Variants in PTPRZ1 observed in about 807,000 individuals in gnomAD.
PTPRZ1 encodes the protein receptor-type tyrosine-protein phosphatase zeta.
A neutral mutation model predicts 214.1 loss-of-function variants in PTPRZ1; 82 were observed. That is an observed-to-expected ratio of 0.38 (90% CI 0.32 to 0.46). PTPRZ1 has a LOEUF of 0.46. Among genes scored for constraint, PTPRZ1 ranks in the 20% least tolerant of loss-of-function variants. The pLI is 1.00. For synonymous variants in PTPRZ1, 945 were observed against 987.9 expected (o/e 0.96, Z 0.81); for missense variants, 2,603 against 2,748.7 (o/e 0.95, Z 1.19).
chr7:122,051,090 T>A (rs1453474435), intron 23 of PTPRZ1, among the ~76,000 whole-genome samples: 1 of 152,104 alleles, frequency 6.6e-6, no homozygotes, highest in Non-Finnish European at 1.5e-5. Flanking sequence ...ACACACACGA[T>A]GTAATTTACC....
In PTPRZ1 at chr7:122,042,689, A is replaced by G; in HGVS notation, c.5883A>G (p.Ile1961Met). ...QQIQHEGTVN[I>M]FGFLKHIRSQ... ...TTCAACACGAAGGAACTGTCAACAT[A>G]TTTGGCTTCTTAAAACACATCCGTT... Residue 1961 changes from isoleucine (I) to methionine (M), a missense_variant, in exon 22 of 30, where the codon ATA becomes ATG. By Grantham distance (10) the Ile-to-Met change is conservative (BLOSUM62 1). Around this residue, in one of 6 missense-constraint regions of PTPRZ1, gnomAD observed 1,913 missense variants for 1,914.3 expected, o/e 1.00. Coordinates refer to ENST00000393386, the MANE Select transcript of PTPRZ1 (RefSeq NM_002851.3). 3.1e-6 allele frequency: 5 copies of G among 1,613,776 alleles called. No homozygotes were observed. The highest frequency in any genetic ancestry group is 4.2e-6 in the Non-Finnish European group (5 of 1,179,678).
chr7:121,960,307 C>G (rs977449694), intron 2 of PTPRZ1, among the ~76,000 whole-genome samples: 2 of 152,204 alleles, frequency 1.3e-5, no homozygotes, highest in African/African-American at 4.8e-5. Context: ...TCCCAAAGTG[C>G]TGGGATTACA....
At position 122,013,747 on chromosome 7, in the gene PTPRZ1, T is replaced by C. The variant is rs201818211; in HGVS notation, c.4701T>C (p.Asp1567=). ...DSLNENETST[D]FSFADTNEKD... is the part of the protein sequence containing the mutation. Reference sequence around the variant, plus strand: ...TTAATGAGAATGAGACTTCCACAGATTTCAGTTTTGCAGACACTAATGAAA... The same window carrying C: ...TTAATGAGAATGAGACTTCCACAGACTTCAGTTTTGCAGACACTAATGAAA... The change falls in exon 12 of 30, where the codon GAT becomes GAC. Residue 1567 remains aspartate, a synonymous_variant. Coordinates refer to ENST00000393386, the MANE Select transcript of PTPRZ1 (RefSeq NM_002851.3). The C allele has an allele frequency of 3.2e-5, 52 of 1,614,032 alleles. 1 individual carries two copies. The highest frequency in any genetic ancestry group is 2.4e-4 in the South Asian group (22 of 91,086).
intron 1 of PTPRZ1, among the ~76,000 whole-genome samples, chr7:121,927,020 A>T (rs1009985612): frequency 2.6e-5 from 4 of 152,218 alleles, no homozygotes; most frequent in Non-Finnish European, 2.9e-5. Flanking sequence ...ATAGTAACTT[A>T]TTACCATGTT....
chr7:121,906,780 G>A (rs958998258), intron 1 of PTPRZ1, among the ~76,000 whole-genome samples: 4 of 152,146 alleles, frequency 2.6e-5, no homozygotes, highest in Non-Finnish European at 4.4e-5. Flanking sequence ...CTTATTCTTC[G>A]TTTCCTAGTA....
intron 12 of PTPRZ1, among the ~76,000 whole-genome samples, chr7:122,017,615 G>A (rs1025030733): frequency 6.6e-6 from 1 of 151,464 alleles, no homozygotes; most frequent in Non-Finnish European, 1.5e-5. Context: ...AGGCTGTAGT[G>A]CAGTGGCGTG....
intron 6 of PTPRZ1, among the ~76,000 whole-genome samples, chr7:121,982,152 C>T (rs906755242): frequency 6.6e-5 from 10 of 152,062 alleles, no homozygotes; most frequent in African/African-American, 2.4e-4. Context: ...TTGAAAAGAC[C>T]ATCCATTCCA....
At chr7:121,973,374 T>C (rs915201219) in intron 4 of PTPRZ1, among the ~76,000 whole-genome samples, 1 of 151,802 alleles carries the variant, frequency 6.6e-6, no homozygotes, top group African/African-American at 2.4e-5. Context: ...AAAAGAAACA[T>C]GTTAAGTGGT....
chr7:121,987,676 T>A (rs1434580790), intron 8 of PTPRZ1, among the ~76,000 whole-genome samples: 2 of 152,226 alleles, frequency 1.3e-5, no homozygotes, highest in Non-Finnish European at 2.9e-5. Flanking sequence ...GAGTAGTTTT[T>A]CATATGTTTC....
intron 1 of PTPRZ1, among the ~76,000 whole-genome samples, chr7:121,923,448 G>A (rs918908433): frequency 3.3e-5 from 5 of 151,982 alleles, no homozygotes; most frequent in African/African-American, 1.2e-4. Context: ...TTTTTCTTAG[G>A]AGCACTGTAT....
intron 8 of PTPRZ1, among the ~76,000 whole-genome samples, chr7:121,987,652 T>C (rs1179610793): frequency 6.6e-6 from 1 of 152,230 alleles, no homozygotes; most frequent in African/African-American, 2.4e-5. Flanking sequence ...ATTTCTCCGA[T>C]GATTAGTGAT....
intron 2 of PTPRZ1, among the ~76,000 whole-genome samples, chr7:121,939,720 G>A (rs2116416268): frequency 6.6e-6 from 1 of 152,304 alleles, no homozygotes; most frequent in Non-Finnish European, 1.5e-5. Context: ...TCATTGGATT[G>A]TACAGCGTAA....
At chr7:121,899,301 C>A (rs1584616418) in intron 1 of PTPRZ1, among the ~76,000 whole-genome samples, 1 of 152,248 alleles carries the variant, frequency 6.6e-6, no homozygotes, top group East Asian at 1.9e-4. Flanking sequence ...AACGTTTCTA[C>A]CTTCTAATAC....
intron 2 of PTPRZ1, among the ~76,000 whole-genome samples, chr7:121,955,924 C>T (rs1343700694): frequency 6.6e-6 from 1 of 152,140 alleles, no homozygotes; most frequent in Non-Finnish European, 1.5e-5. Flanking sequence ...TGGGTTTCAG[C>T]ACTATCACTC....
intron 1 of PTPRZ1, among the ~76,000 whole-genome samples, chr7:121,921,682 A>G (rs1340202050): frequency 2.0e-5 from 3 of 152,150 alleles, no homozygotes; most frequent in African/African-American, 7.2e-5. Flanking sequence ...TGAGACATTC[A>G]AAAGTACTTT....
chr7:122,036,477 G>A, intron 17 of PTPRZ1, 123 bp from the exon 18 acceptor site: 2 of 684,884 alleles, frequency 2.9e-6, no homozygotes, highest in Non-Finnish European at 4.9e-6. Context: ...AAAAGCCTAT[G>A]AAAGTAAATG....
At chr7:122,026,972 T>C (rs1799222552) in intron 13 of PTPRZ1, among the ~76,000 whole-genome samples, 1 of 152,218 alleles carries the variant, frequency 6.6e-6, no homozygotes, top group Non-Finnish European at 1.5e-5. Flanking sequence ...CAAAGTAGTT[T>C]GCCTTGTGGG....
intron 2 of PTPRZ1, among the ~76,000 whole-genome samples, chr7:121,942,871 A>T (rs951553636): frequency 6.6e-6 from 1 of 152,232 alleles, no homozygotes; most frequent in Admixed American, 6.5e-5. Context: ...TTAAGCAATT[A>T]AACAGCTAGC....
chr7:121,992,609 T>A (rs1798003823), intron 8 of PTPRZ1, among the ~76,000 whole-genome samples: 1 of 152,172 alleles, frequency 6.6e-6, no homozygotes. Flanking sequence ...TTTCATAAGT[T>A]TTTTATACAT....
Sources: gnomAD v4.1 joint callset for allele counts (sites outside exome capture counted in the v4.1 genomes callset) on GRCh38, gnomAD v4.1.1 for gene constraint, gnomAD v4.1.1 regional missense constraint, MANE v1.5 for transcripts, NCBI Gene and HGNC (gene_info 2026-07-23, HGNC 2026-07-21) for gene names.